TTC7B: variants seen among roughly 807,000 people sequenced by gnomAD.
The protein encoded by TTC7B is tetratricopeptide repeat domain 7B.
TTC7B carries 28 observed loss-of-function variants against 106.8 expected under a neutral mutation model. That is an observed-to-expected ratio of 0.26 (90% CI 0.19 to 0.36). The LOEUF (loss-of-function observed/expected upper bound fraction) is 0.36, where lower values mean the gene tolerates loss of function less well. Ranked by LOEUF, TTC7B falls within the 10% of genes least tolerant of loss-of-function variation. The pLI, the probability that TTC7B is intolerant of heterozygous loss-of-function variation, is 1.00. For missense variants in TTC7B, 862 were observed against 1,076.4 expected (o/e 0.80, Z 2.79); for synonymous variants, 405 against 430.6 (o/e 0.94, Z 0.74).
intron 19 of TTC7B, among the ~76,000 whole-genome samples, chr14:90,557,347 GTGTGA>G (rs1890361245): frequency 6.6e-6 from 1 of 152,190 alleles, no homozygotes; most frequent in East Asian, 1.9e-4. Flanking sequence ...CACCCCTGCT[GTGTGA>G]CCTCCATCAA....
At chr14:90,614,243 G>A (rs1344066388) in intron 16 of TTC7B, among the ~76,000 whole-genome samples, 1 of 152,206 alleles carries the variant, frequency 6.6e-6, no homozygotes, top group African/African-American at 2.4e-5. Context: ...AAATGGGTAT[G>A]AGATCACACG....
intron 1 of TTC7B, among the ~76,000 whole-genome samples, chr14:90,809,062 C>T (rs1320360552): frequency 6.6e-6 from 1 of 152,198 alleles, no homozygotes; most frequent in Non-Finnish European, 1.5e-5. Context: ...GCCCAATTGC[C>T]ATCAGCAGCC....
chr14:90,639,176 C>T (rs1885064692), intron 15 of TTC7B, among the ~76,000 whole-genome samples: 1 of 152,130 alleles, frequency 6.6e-6, no homozygotes, highest in Admixed American at 6.5e-5. Context: ...ATAGAAAGTA[C>T]TGTCCATAAA....
Position 90,535,770 on chromosome 14 carries a change from ATTTCTCACAGTCCTG to A in TTC7B, c.*5583_*5597del, listed in dbSNP as rs1889405210. 6.6e-6 allele frequency: 1 copy of A among 152,230 alleles called. No homozygotes were observed. The highest frequency in any genetic ancestry group is 1.5e-5 in the Non-Finnish European group (1 of 68,072). The allele number at this position is 152,230 out of a possible 1,614,324, so 9.4% of individuals were successfully genotyped here. ...ACAGGTGGCTTCAACAATGAACTTA[ATTTCTCACAGTCCTG>A]GAGGTTCAAAGAACAAAGCAAAGGT... On this transcript the variant is annotated 3_prime_UTR_variant, in exon 20 of 20. Coordinates refer to ENST00000328459, the MANE Select transcript of TTC7B (RefSeq NM_001010854.2).
intron 7 of TTC7B, among the ~76,000 whole-genome samples, chr14:90,685,850 A>T (rs566230960): frequency 8.6e-5 from 13 of 151,036 alleles, no homozygotes; most frequent in Admixed American, 3.3e-4. Context: ...ATTAGCATTT[A>T]AAAAAAAACA....
At position 90,794,207 on chromosome 14, in the gene TTC7B, ATTTCTTTTTTTTTTTTT is replaced by A. The variant is rs775261825; in HGVS notation, c.122-7896_122-7880del. Among the ~76,000 whole-genome samples the A allele has an allele frequency of 1.4e-3, 186 of 130,544 alleles. 7 individuals are homozygous for A. Among genetic ancestry groups the A allele is most frequent in the Middle Eastern group, 4.1e-3 (1 of 246 alleles). The allele number at this position is 130,544 out of a possible 152,430, so 85.6% of individuals were successfully genotyped here. ...TGTGAGCCACTGCACCTGGCTGGGT[ATTTCTTTTTTTTTTTTT>A]TTTTTTTTTTTTTGAGACGGAGTCT... is the stretch of plus-strand genomic sequence containing the variant. On this transcript the variant is annotated intron_variant, in intron 1 of 19. Transcript: ENST00000328459.
At chr14:90,571,050 G>A (rs902551410) in intron 19 of TTC7B, among the ~76,000 whole-genome samples, 1 of 152,156 alleles carries the variant, frequency 6.6e-6, no homozygotes, top group Non-Finnish European at 1.5e-5. Context: ...TTCTGCTTCT[G>A]CTCCTAACTT....
At chr14:90,706,747 A>G (rs1888227200) in intron 5 of TTC7B, among the ~76,000 whole-genome samples, 1 of 152,120 alleles carries the variant, frequency 6.6e-6, no homozygotes, top group East Asian at 1.9e-4. Context: ...CATCTTATAC[A>G]TTTCCTGCCC....
Position 90,570,884 on chromosome 14 carries a change from G to A in TTC7B, c.2310+7222C>T, listed in dbSNP as rs895339391. ...AAATGGAAGCACAGAGAGATGAAGG[G>A]ACTTATCTCGGGGTACGCAGTTAGT... On this transcript the variant is annotated intron_variant, in intron 19 of 19. Coordinates refer to ENST00000328459, the MANE Select transcript of TTC7B (RefSeq NM_001010854.2). The surrounding 1 kb of genome is among the most constrained non-coding windows in gnomAD (Gnocchi z 4.0). Among the ~76,000 whole-genome samples the A allele has an allele frequency of 6.6e-6, 1 of 152,180 alleles. No homozygotes were observed. Among genetic ancestry groups the A allele is most frequent in the Non-Finnish European group, 1.5e-5 (1 of 68,028 alleles).
intron 7 of TTC7B, among the ~76,000 whole-genome samples, chr14:90,688,514 T>C (rs1887334810): frequency 6.6e-6 from 1 of 151,434 alleles, no homozygotes; most frequent in African/African-American, 2.4e-5. Context: ...TCCCAGCTAC[T>C]TGGGAGGCTG....
chr14:90,746,091 C>T (rs994962112), intron 3 of TTC7B, among the ~76,000 whole-genome samples: 3 of 152,056 alleles, frequency 2.0e-5, no homozygotes, highest in African/African-American at 4.8e-5. Context: ...TAGGTAAATA[C>T]CAACCTCATA....
chr14:90,619,411 G>A (rs1385437037), intron 15 of TTC7B, among the ~76,000 whole-genome samples: 1 of 152,078 alleles, frequency 6.6e-6, no homozygotes, highest in East Asian at 1.9e-4. Flanking sequence ...CACATGCCAC[G>A]TCCCCAACTT....
Position 90,526,455 on chromosome 14 carries a change from T to G in TTC7B, c.*14913A>C, listed in dbSNP as rs1441540807. 6.6e-6 allele frequency: 1 copy of G among 152,276 alleles called. No individual in the cohort carries two copies. The highest frequency in any genetic ancestry group is 1.5e-5 in the Non-Finnish European group (1 of 68,048). 9.4% of individuals were successfully genotyped at this position (152,276 alleles called of 1,614,324 possible). The stretch of plus-strand genomic sequence containing the variant: ...ATAACCTTTATGTTACCTGGCACAT[T>G]TGTGCCAACAATGGAACTGACATTG... On this transcript the variant is annotated 3_prime_UTR_variant, in exon 20 of 20. Coordinates refer to ENST00000328459, the MANE Select transcript of TTC7B (RefSeq NM_001010854.2).
chr14:90,758,104 C>G (rs1225014593), intron 3 of TTC7B, among the ~76,000 whole-genome samples: 1 of 151,930 alleles, frequency 6.6e-6, no homozygotes, highest in African/African-American at 2.4e-5. Context: ...TGGTGAGTCC[C>G]TAAGAAGGCT....
At chr14:90,743,111 A>C (rs1566866279) in intron 4 of TTC7B, among the ~76,000 whole-genome samples, 1 of 152,204 alleles carries the variant, frequency 6.6e-6, no homozygotes, top group Non-Finnish European at 1.5e-5. Context: ...GTAAATTCTG[A>C]ATAACAACAA....
rs1885414444 is a variant in TTC7B at position 90,645,670 on chromosome 14, G to A, written c.1590+1281C>T. Among the ~76,000 whole-genome samples the A allele has an allele frequency of 2.0e-5, 3 of 152,216 alleles. No homozygotes were observed. The East Asian group carries it at 5.8e-4, about 29-fold the overall frequency. ...TGGGTGGGTCGAAAGGCAAAGCATAGGCATGATGTTGATTTGCAGGGATGA... is the reference window on the plus strand; with the variant it reads ...TGGGTGGGTCGAAAGGCAAAGCATAAGCATGATGTTGATTTGCAGGGATGA... On this transcript the variant is annotated intron_variant, in intron 14 of 19. Transcript: ENST00000328459.
chr14:90,615,727 T>A (rs999584637), intron 16 of TTC7B, among the ~76,000 whole-genome samples: 12 of 152,168 alleles, frequency 7.9e-5, no homozygotes, highest in Non-Finnish European at 1.6e-4. Flanking sequence ...ATTTACATAA[T>A]GATAAGGGCT....
chr14:90,708,797 C>A (rs1200169158), intron 5 of TTC7B, among the ~76,000 whole-genome samples: 2 of 152,124 alleles, frequency 1.3e-5, no homozygotes, highest in Admixed American at 1.3e-4. Context: ...AAATTGAAAA[C>A]CTCTGGAAAG....
rs371269123 is a variant in TTC7B at position 90,541,436 on chromosome 14, G to C, written c.2464C>G (p.Leu822Val). The C allele has an allele frequency of 6.2e-7, 1 of 1,613,312 alleles. No homozygotes were observed. The highest frequency in any genetic ancestry group is 1.3e-5 in the African/African-American group (1 of 74,956). ...GNDAAATECFLTALELEASSP... is the reference protein window; with the variant it reads ...GNDAAATECFVTALELEASSP... ...CTGGCCTCCAGCTCCAAGGCTGTCA[G>C]GAAGCACTCCGTAGCCGCCGCATCG... The change falls in exon 20 of 20, where the codon CTG (leucine) becomes GTG (valine). Residue 822 changes from leucine (L) to valine (V), a missense_variant. Physicochemically the swap from Leu to Val is conservative, Grantham distance 32. Coordinates refer to ENST00000328459, the MANE Select transcript of TTC7B (RefSeq NM_001010854.2).
Sources: allele counts gnomAD v4.1 joint callset (sites outside exome capture counted in the v4.1 genomes callset), GRCh38; gene constraint gnomAD v4.1.1; non-coding constraint Gnocchi (gnomAD v3.1); transcripts MANE v1.5; gene names NCBI Gene and HGNC (gene_info 2026-07-23, HGNC 2026-07-21).